Variants in SPATA6 observed in about 807,000 individuals in gnomAD.
SPATA6 encodes the protein spermatogenesis associated 6.
Under a neutral mutation model 65.3 loss-of-function variants are expected in SPATA6, and 56 were observed. The ratio of observed to expected loss-of-function variants is 0.86; its 90% confidence interval spans 0.69 to 1.07. The LOEUF (loss-of-function observed/expected upper bound fraction) is 1.07, where lower values mean the gene tolerates loss of function less well. Ranked by LOEUF, SPATA6 falls within the 50% of genes least tolerant of loss-of-function variation. SPATA6 has a pLI of 0.00. For missense variants in SPATA6, 590 were observed against 594.8 expected (o/e 0.99, Z 0.08); for synonymous variants, 199 against 213.2 (o/e 0.93, Z 0.58).
rs1569950586 is a variant in SPATA6 at position 48,295,543 on chromosome 1, C to T, written c.*3170G>A. On this transcript the variant is annotated 3_prime_UTR_variant, in exon 13 of 13. Transcript: ENST00000371847. ...GAAATGTCCAGAATAGGCATGGAGA[C>T]AAAAAGCATATAGTGGTTTCCAGGA... 1 of 152,082 alleles carries T rather than the reference C, an allele frequency of 6.6e-6. No individual in the cohort carries two copies. The highest frequency in any genetic ancestry group is 1.9e-4 in the East Asian group (1 of 5,192). The allele number at this position is 152,082 out of a possible 1,614,324, so 9.4% of individuals were successfully genotyped here.
the SPATA6 span, among the ~76,000 whole-genome samples, chr1:48,285,495 A>C: frequency 2.7e-5 from 4 of 150,872 alleles, no homozygotes; most frequent in East Asian, 1.9e-4. Flanking sequence ...AAAAAAAAAA[A>C]AACTCCTGCA....
At chr1:48,400,863 T>C (rs999418124) in intron 6 of SPATA6, 3 of 1,260,408 alleles carry the variant, frequency 2.4e-6, no homozygotes, top group Non-Finnish European at 2.1e-6. Context: ...TTTCAAAAAG[T>C]AATTCAGAAT....
At chr1:48,348,170 T>C (rs1646422380) in intron 11 of SPATA6, among the ~76,000 whole-genome samples, 1 of 152,002 alleles carries the variant, frequency 6.6e-6, no homozygotes, top group Admixed American at 6.6e-5. Flanking sequence ...TTACTATTTG[T>C]CCTTTCCATG....
rs1336548446 is a variant in SPATA6 at position 48,297,166 on chromosome 1, G to GTA, written c.*1546_*1547insTA. On this transcript the variant is annotated 3_prime_UTR_variant, in exon 13 of 13. Coordinates refer to ENST00000371847, the MANE Select transcript of SPATA6 (RefSeq NM_019073.4). Reference sequence around the variant, plus strand: ...TGTGTGTGTGTGTGTGTGTGTGTATGTGTGTAGCAAACAGATTTTCCTAAA... The same window carrying GTA: ...TGTGTGTGTGTGTGTGTGTGTGTATGTATGTGTAGCAAACAGATTTTCCTAAA... 1.1e-4 allele frequency: 16 copies of GTA among 150,758 alleles called. No homozygotes were observed. Among genetic ancestry groups the GTA allele is most frequent in the African/African-American group, 3.7e-4 (15 of 40,582 alleles). The allele number at this position is 150,758 out of a possible 1,614,324, so 9.3% of individuals were successfully genotyped here.
chr1:48,439,381 C>T (rs1039393924), intron 3 of SPATA6, among the ~76,000 whole-genome samples: 20 of 151,510 alleles, frequency 1.3e-4, no homozygotes, highest in African/African-American at 4.1e-4. Context: ...GGGACCATTG[C>T]GGGTTCTTGG....
At chr1:48,434,267 A>AC (rs1654678862) in intron 3 of SPATA6, among the ~76,000 whole-genome samples, 1 of 151,472 alleles carries the variant, frequency 6.6e-6, no homozygotes, top group African/African-American at 2.4e-5. Flanking sequence ...AAGAAAAAAA[A>AC]AAAAAAAAAA....
At chr1:48,455,438 A>G (rs1174339219) in intron 1 of SPATA6, among the ~76,000 whole-genome samples, 3 of 150,950 alleles carry the variant, frequency 2.0e-5, no homozygotes, top group East Asian at 3.9e-4. Flanking sequence ...GCTGCAGTAC[A>G]GTGGCACGGT....
chr1:48,437,954 CACCAATCAGCACTCTGTAAAATGG>C (rs1655096639), intron 3 of SPATA6, among the ~76,000 whole-genome samples: 1 of 150,628 alleles, frequency 6.6e-6, no homozygotes, highest in Admixed American at 6.6e-5. Context: ...TTTGTAAACA[CACCAATCAGCACTCTGTAAAATGG>C]ACCAATCAGT....
intron 11 of SPATA6, among the ~76,000 whole-genome samples, chr1:48,321,538 G>A (rs1345371294): frequency 6.6e-6 from 1 of 152,072 alleles, no homozygotes; most frequent in Non-Finnish European, 1.5e-5. Flanking sequence ...AATATTATTA[G>A]AGCTAAAGAG....
intron 9 of SPATA6, among the ~76,000 whole-genome samples, chr1:48,381,565 ATAG>A (rs1648582755): frequency 6.6e-6 from 1 of 151,864 alleles, no homozygotes; most frequent in Non-Finnish European, 1.5e-5. Flanking sequence ...AAATAGTTTA[ATAG>A]TAGCACAAAA....
chr1:48,471,563 C>G (rs983156089), intron 1 of SPATA6, among the ~76,000 whole-genome samples: 1 of 152,148 alleles, frequency 6.6e-6, no homozygotes, highest in African/African-American at 2.4e-5. Context: ...CGCCCACCCC[C>G]AGACTTGGGA....
At chr1:48,300,832 G>T (rs1644919505) in intron 12 of SPATA6, among the ~76,000 whole-genome samples, 1 of 152,032 alleles carries the variant, frequency 6.6e-6, no homozygotes, top group African/African-American at 2.4e-5. Context: ...TTCAATGGGT[G>T]CTGAAAAAGC....
At chr1:48,401,472 T>C (rs1651158454) in intron 6 of SPATA6, among the ~76,000 whole-genome samples, 1 of 152,120 alleles carries the variant, frequency 6.6e-6, no homozygotes, top group Non-Finnish European at 1.5e-5. Context: ...AGTGACTGTG[T>C]TATACCATTT....
intron 3 of SPATA6, chr1:48,436,517 G>A (rs1420363210): frequency 6.2e-7 from 1 of 1,611,752 alleles, no homozygotes; most frequent in Non-Finnish European, 8.5e-7. Flanking sequence ...ATTCACAGGA[G>A]TATTAAAGCC....
chr1:48,320,962 G>A (rs1003466211), intron 11 of SPATA6, among the ~76,000 whole-genome samples: 4 of 151,920 alleles, frequency 2.6e-5, no homozygotes, highest in Non-Finnish European at 5.9e-5. Context: ...AAAACAAAGG[G>A]TTATGACATA....
At chr1:48,282,333 T>G in the SPATA6 span, among the ~76,000 whole-genome samples, 2 of 151,704 alleles carry the variant, frequency 1.3e-5, no homozygotes, top group Non-Finnish European at 2.9e-5. Context: ...AATTGACAAA[T>G]GGGATCTAAT....
At chr1:48,380,963 G>A (rs573681878) in intron 9 of SPATA6, among the ~76,000 whole-genome samples, 1 of 152,306 alleles carries the variant, frequency 6.6e-6, no homozygotes, top group African/African-American at 2.4e-5. Flanking sequence ...CGGGGAGGAT[G>A]TCTGGTTTCA....
At chr1:48,359,468 C>T in intron 10 of SPATA6, 118 bp downstream of exon 10, 1 of 1,153,482 alleles carries the variant, frequency 8.7e-7, no homozygotes, top group South Asian at 1.7e-5. Flanking sequence ...ACAATTTAAG[C>T]CTTTTAAAAT....
At chr1:48,355,336 T>C (rs1646628095) in intron 11 of SPATA6, 1 of 170,434 alleles carries the variant, frequency 5.9e-6, no homozygotes, top group Non-Finnish European at 1.2e-5. Context: ...GTAGATGAAA[T>C]TGCTTTATAT....
Sources: gnomAD v4.1 joint callset for allele counts (sites outside exome capture counted in the v4.1 genomes callset) on GRCh38, gnomAD v4.1.1 for gene constraint, MANE v1.5 for transcripts, NCBI Gene and HGNC (gene_info 2026-07-23, HGNC 2026-07-21) for gene names.